ANKRD26: variants seen among roughly 807,000 people sequenced by gnomAD.
ANKRD26 encodes the protein ankyrin repeat domain 26.
In ANKRD26, 141 loss-of-function variants were observed where a neutral mutation model predicts 208.7. That is an observed-to-expected ratio of 0.68 (90% CI 0.59 to 0.78). The LOEUF (loss-of-function observed/expected upper bound fraction) is 0.78, where lower values mean the gene tolerates loss of function less well. Ranked by LOEUF, ANKRD26 falls within the 30% of genes least tolerant of loss-of-function variation. The pLI, the probability that ANKRD26 is intolerant of heterozygous loss-of-function variation, is 0.00. For synonymous variants in ANKRD26, 636 were observed against 660.4 expected (o/e 0.96, Z 0.57); for missense variants, 1,889 against 1,938.7 (o/e 0.97, Z 0.48).
intron 27 of ANKRD26, among the ~76,000 whole-genome samples, chr10:27,026,462 A>G (rs906078809): frequency 3.9e-5 from 6 of 152,226 alleles, no homozygotes; most frequent in Non-Finnish European, 8.8e-5. Flanking sequence ...GGATGCCAAT[A>G]AAGTAGGACT....
At chr10:26,968,548 C>A in the ANKRD26 span, among the ~76,000 whole-genome samples, 1 of 152,168 alleles carries the variant, frequency 6.6e-6, no homozygotes, top group Non-Finnish European at 1.5e-5. Context: ...CAAATTAGCC[C>A]CAACACACAT....
At chr10:26,972,160 G>A (rs925573872), downstream of ANKRD26, among the ~76,000 whole-genome samples, 1 of 151,490 alleles carries the variant, frequency 6.6e-6, no homozygotes, top group South Asian at 2.1e-4. Flanking sequence ...GCGTGATCCC[G>A]GGAGGCGGAG....
Position 27,050,219 on chromosome 10 carries a change from CAAAAAAA to C in ANKRD26, c.1636-1247_1636-1241del, listed in dbSNP as rs67384671. Among the ~76,000 whole-genome samples the C allele has an allele frequency of 3.4e-3, 112 of 33,038 alleles. 1 individual carries two copies. The highest frequency in any genetic ancestry group is 9.4e-3 in the African/African-American group (105 of 11,228). The allele number at this position is 33,038 out of a possible 152,430, so 21.7% of individuals were successfully genotyped here. A position where few individuals can be genotyped will look rare whatever the true frequency, so the allele number is the denominator to read the frequency against. ...TGGGCAATAGAGTAAGAATCTGTCT[CAAAAAAA>C]AAAAAAAAAAAAAAAAAAAAAGAAA... On this transcript the variant is annotated intron_variant, in intron 16 of 33. Coordinates refer to ENST00000376087, the MANE Select transcript of ANKRD26 (RefSeq NM_014915.3).
intron 21 of ANKRD26, among the ~76,000 whole-genome samples, chr10:27,038,423 G>A (rs757613384): frequency 3.3e-5 from 5 of 152,120 alleles, no homozygotes; most frequent in Non-Finnish European, 7.4e-5. Flanking sequence ...GCCGAGGCGC[G>A]CAGATCACTT....
At chr10:27,002,339 G>T (rs1236638150), downstream of ANKRD26, among the ~76,000 whole-genome samples, 1 of 152,226 alleles carries the variant, frequency 6.6e-6, no homozygotes, top group African/African-American at 2.4e-5. Context: ...TCATGCTGAG[G>T]AGAGAAAGAA....
At chr10:27,091,726 T>C (rs34058166) in intron 4 of ANKRD26, among the ~76,000 whole-genome samples, 19,854 of 152,138 alleles carry the variant, frequency 0.13, 1,418 homozygotes, top group East Asian at 0.28. Flanking sequence ...AGTGGCTTAA[T>C]GCCTGTAATC....
Position 27,043,571 on chromosome 10 carries a change from T to C in ANKRD26, c.2020-4A>G. 1 of 1,611,924 alleles carries C rather than the reference T, an allele frequency of 6.2e-7. No individual in the cohort carries two copies. Among genetic ancestry groups the C allele is most frequent in the East Asian group, 2.2e-5 (1 of 44,836 alleles). On this transcript the variant is annotated splice_polypyrimidine_tract_variant and splice_region_variant and intron_variant, in intron 19 of 33. Coordinates refer to ENST00000376087, the MANE Select transcript of ANKRD26 (RefSeq NM_014915.3). ...TAGACTGTATTTGGTTTTTGACCTA[T>C]GAAATAAATAACACTGTTTCAAAAT...
chr10:27,029,924 T>C (rs2053808810), intron 25 of ANKRD26, among the ~76,000 whole-genome samples: 1 of 152,196 alleles, frequency 6.6e-6, no homozygotes, highest in African/African-American at 2.4e-5. Context: ...CTGTGTGACC[T>C]TGAGCAAATT....
At chr10:27,028,642 T>C (rs1347147528) in intron 27 of ANKRD26, among the ~76,000 whole-genome samples, 1 of 148,566 alleles carries the variant, frequency 6.7e-6, no homozygotes, top group Non-Finnish European at 1.5e-5. Context: ...ATATATAAGG[T>C]ATATATGAAA....
At chr10:27,086,804 C>A (rs1000456720) in intron 4 of ANKRD26, among the ~76,000 whole-genome samples, 195 bp from the exon 5 acceptor site, 38 of 112,876 alleles carry the variant, frequency 3.4e-4, no homozygotes, top group East Asian at 5.9e-4. Context: ...CAGAGTCTTA[C>A]TCTGTCACCC....
At chr10:26,955,289 G>A in the ANKRD26 span, among the ~76,000 whole-genome samples, 7 of 152,012 alleles carry the variant, frequency 4.6e-5, no homozygotes, top group South Asian at 6.3e-4. Flanking sequence ...TTAGCCGGTC[G>A]TGGTGGCACA....
intron 11 of ANKRD26, among the ~76,000 whole-genome samples, chr10:27,065,737 A>C (rs565185707): frequency 6.3e-4 from 95 of 150,014 alleles, no homozygotes; most frequent in African/African-American, 2.2e-3. Flanking sequence ...AAAAACAAAA[A>C]AAAAAAACAA....
At chr10:27,039,386 G>T (rs1301191314) in intron 21 of ANKRD26, among the ~76,000 whole-genome samples, 2 of 151,750 alleles carry the variant, frequency 1.3e-5, no homozygotes, top group Non-Finnish European at 2.9e-5. Flanking sequence ...CCTGGGAGGC[G>T]GAGGTTACAG....
the ANKRD26 span, among the ~76,000 whole-genome samples, chr10:26,954,714 G>T: frequency 2.0e-5 from 3 of 151,942 alleles, no homozygotes; most frequent in Non-Finnish European, 4.4e-5. Flanking sequence ...AATTGCTTTG[G>T]ATTGGAAAAA....
At chr10:26,983,944 T>C (rs2052346430) in intron 3 of ANKRD26, among the ~76,000 whole-genome samples, 2 of 152,172 alleles carry the variant, frequency 1.3e-5, no homozygotes, top group Admixed American at 6.6e-5. Context: ...CTGGAGCCAC[T>C]GGAAATAGGC....
Position 27,100,158 on chromosome 10 carries a change from C to G in ANKRD26, c.169G>C (p.Gly57Arg). ...ATCTGCTGCACTTTCGCCACATTAC[C>G]CGCGCTGGCAGCTTTGTGGATCTTG... ...LGKIHKAASA[G>R]NVAKVQQILL... The change falls in exon 1 of 34, where the codon GGT becomes CGT. Residue 57 changes from glycine to arginine, a missense_variant. Coordinates refer to ENST00000376087, the MANE Select transcript of ANKRD26 (RefSeq NM_014915.3). 1 of 1,614,146 alleles carries G rather than the reference C, an allele frequency of 6.2e-7. No individual in the cohort carries two copies. The highest frequency in any genetic ancestry group is 8.5e-7 in the Non-Finnish European group (1 of 1,179,982).
intron 25 of ANKRD26, among the ~76,000 whole-genome samples, chr10:27,030,091 G>C (rs965994976): frequency 3.3e-5 from 5 of 152,190 alleles, no homozygotes; most frequent in African/African-American, 1.2e-4. Context: ...AATATTTGCT[G>C]TTTGTGTGAT....
the ANKRD26 span, among the ~76,000 whole-genome samples, chr10:26,962,129 G>C: frequency 3.9e-5 from 6 of 152,164 alleles, no homozygotes; most frequent in African/African-American, 1.4e-4. Flanking sequence ...TCAGACCCTG[G>C]AATTAAAAGA....
chr10:27,060,381 C>T lies in ANKRD26; in HGVS notation c.1528G>A (p.Ala510Thr), dbSNP rs2055011579. Reference protein sequence around the residue: ...IEMKDSVPNKAGGMKDVQTSK... With the variant: ...IEMKDSVPNKTGGMKDVQTSK... ...GTTTGTACATCCTTCATTCCTCCTGCTTTATTTGGAACAGAATCTTTCATT... is the reference window on the plus strand; with the variant it reads ...GTTTGTACATCCTTCATTCCTCCTGTTTTATTTGGAACAGAATCTTTCATT... The change falls in exon 15 of 34, where the codon GCA becomes ACA. Residue 510 changes from alanine (A) to threonine (T), a missense_variant. Physicochemically the swap from Ala to Thr is moderately conservative, Grantham distance 58. Coordinates refer to ENST00000376087, the MANE Select transcript of ANKRD26 (RefSeq NM_014915.3). 1.2e-6 allele frequency: 2 copies of T among 1,612,950 alleles called. No individual in the cohort carries two copies. Among genetic ancestry groups the T allele is most frequent in the Non-Finnish European group, 1.7e-6 (2 of 1,179,166 alleles).
Sources: allele counts gnomAD v4.1 joint callset (sites outside exome capture counted in the v4.1 genomes callset), GRCh38; gene constraint gnomAD v4.1.1; transcripts MANE v1.5; gene names NCBI Gene and HGNC (gene_info 2026-07-23, HGNC 2026-07-21).